MGST1: variants seen among roughly 807,000 people sequenced by gnomAD.
The protein encoded by MGST1 is microsomal glutathione S-transferase 1, also known as glutathione S-transferase 12.
A neutral mutation model predicts 8.9 loss-of-function variants in MGST1; 5 were observed. The ratio of observed to expected loss-of-function variants is 0.56; its 90% CI spans 0.29 to 1.19. The LOEUF (loss-of-function observed/expected upper bound fraction) is 1.19. Among genes scored for constraint, MGST1 ranks in the 50% most tolerant of loss-of-function variants. The pLI, the probability that MGST1 is intolerant of heterozygous loss-of-function variation, is 0.08. For missense variants in MGST1, 182 were observed against 187.4 expected (o/e 0.97, Z 0.17); for synonymous variants, 54 against 67.8 (o/e 0.80, Z 1.00).
At chr12:16,542,028 G>A (rs937203430) in intron 4 of MGST1, among the ~76,000 whole-genome samples, 5 of 152,112 alleles carry the variant, frequency 3.3e-5, no homozygotes, top group Non-Finnish European at 7.4e-5. Context: ...GGACCTTTTA[G>A]TTTGTGATTT....
intron 4 of MGST1, among the ~76,000 whole-genome samples, chr12:16,531,439 A>T (rs983422893): frequency 6.6e-6 from 1 of 152,112 alleles, no homozygotes; most frequent in Admixed American, 6.6e-5. Context: ...AGAAGAAAAA[A>T]TAAGGTTGAG....
intron 1 of MGST1, among the ~76,000 whole-genome samples, chr12:16,395,209 T>G (rs553661980): frequency 6.6e-6 from 1 of 152,092 alleles, no homozygotes; most frequent in African/African-American, 2.4e-5. Flanking sequence ...ATATATATAT[T>G]AGAAGGTAGG....
intron 1 of MGST1, among the ~76,000 whole-genome samples, chr12:16,392,561 A>G (rs529399535): frequency 1.1e-4 from 17 of 152,298 alleles, no homozygotes; most frequent in African/African-American, 2.9e-4. Context: ...AATGCCTGAC[A>G]CAATAATATA....
At chr12:16,589,619 T>G (rs945973670), downstream of MGST1, 29 of 152,128 alleles carry the variant, frequency 1.9e-4, no homozygotes, top group African/African-American at 6.0e-4. The surrounding 1 kb of genome is among the most constrained non-coding windows in gnomAD (Gnocchi z 4.2). Context: ...AAGACAGTGG[T>G]TTGTTTAATA....
chr12:16,574,713 G>T (rs1054874399), intron 4 of MGST1, among the ~76,000 whole-genome samples: 3 of 152,088 alleles, frequency 2.0e-5, no homozygotes, highest in African/African-American at 7.2e-5. Context: ...GTTTCCAACC[G>T]CAAAGGATTT....
At chr12:16,412,179 T>A (rs1371427481) in intron 1 of MGST1, among the ~76,000 whole-genome samples, 1 of 152,180 alleles carries the variant, frequency 6.6e-6, no homozygotes, top group African/African-American at 2.4e-5. Flanking sequence ...ACGCTTGAAG[T>A]CAGAAGACTT....
At chr12:16,347,161 C>A (rs1684210205), upstream of MGST1, 1 of 152,176 alleles carries the variant, frequency 6.6e-6, no homozygotes, top group African/African-American at 2.4e-5. This position sits in a 1 kb window ranked among gnomAD's most constrained non-coding sequence, Gnocchi z 4.0. Context: ...AGCAAATTGT[C>A]TGGTATCATG....
downstream of MGST1, among the ~76,000 whole-genome samples, chr12:16,591,168 C>G (rs143477675): frequency 3.3e-5 from 5 of 151,946 alleles, no homozygotes; most frequent in Non-Finnish European, 5.9e-5. This position sits in a 1 kb window ranked among gnomAD's most constrained non-coding sequence, Gnocchi z 4.1. Context: ...CAGTGACTAC[C>G]CCTTATTCTT....
upstream of MGST1, among the ~76,000 whole-genome samples, chr12:16,382,541 C>T (rs183936677): frequency 1.2e-4 from 19 of 152,166 alleles, no homozygotes; most frequent in African/African-American, 4.6e-4. Flanking sequence ...GGTGTCAGTC[C>T]GCCCCTACTG....
intron 4 of MGST1, among the ~76,000 whole-genome samples, chr12:16,468,629 C>T (rs900325640): frequency 2.6e-5 from 4 of 152,046 alleles, no homozygotes; most frequent in Non-Finnish European, 5.9e-5. Context: ...GTGGGTAAAA[C>T]GTATATATAT....
intron 1 of MGST1, among the ~76,000 whole-genome samples, chr12:16,427,024 A>G (rs1457448304): frequency 6.6e-6 from 1 of 151,996 alleles, no homozygotes; most frequent in African/African-American, 2.4e-5. Context: ...TCATTAATTG[A>G]ATAAATATTT....
chr12:16,480,869 A>T (rs1289850825), intron 4 of MGST1, among the ~76,000 whole-genome samples: 1 of 152,168 alleles, frequency 6.6e-6, no homozygotes, highest in Non-Finnish European at 1.5e-5. Context: ...CCAGTTTGAG[A>T]CCATTCTGGG....
Position 16,363,689 on chromosome 12 carries a change from T to A in MGST1, c.222-106T>A. The A allele has an allele frequency of 1.1e-6, 1 of 939,996 alleles. No homozygotes were observed. The highest frequency in any genetic ancestry group is 3.6e-5 in the South Asian group (1 of 28,060). The allele number at this position is 939,996 out of a possible 1,614,324, so 58.2% of individuals were successfully genotyped here. ...AAAAAAATAAATCTTACTTTGAAATTTAAGGATCCATTAGTGCTCAGATTT... is the reference window on the plus strand; with the variant it reads ...AAAAAAATAAATCTTACTTTGAAATATAAGGATCCATTAGTGCTCAGATTT... On this transcript the variant is annotated intron_variant, in intron 3 of 3. Transcript: ENST00000396210. The surrounding 1 kb of genome is among the most constrained non-coding windows in gnomAD (Gnocchi z 4.6).
At position 16,513,494 on chromosome 12, in the gene MGST1, A is replaced by G; in HGVS notation, n.483-76034A>G. The G allele has an allele frequency of 2.2e-6, 1 of 464,966 alleles. No individual in the cohort carries two copies. Among genetic ancestry groups the G allele is most frequent in the South Asian group, 1.6e-5 (1 of 62,422 alleles). 28.8% of individuals were successfully genotyped at this position (464,966 alleles called of 1,614,324 possible). Reference sequence around the variant, plus strand: ...GCCAGAGCCAGCTCCTGGTGGACCCATGTGGAGATGGGACCACCAGATCCC... The same window carrying G: ...GCCAGAGCCAGCTCCTGGTGGACCCGTGTGGAGATGGGACCACCAGATCCC... On this transcript the variant is annotated intron_variant and non_coding_transcript_variant, in intron 4 of 4. Transcript: ENST00000538857. This position sits in a 1 kb window ranked among gnomAD's most constrained non-coding sequence, Gnocchi z 4.2.
At chr12:16,368,599 G>A (rs752837569), downstream of MGST1, among the ~76,000 whole-genome samples, 24 of 152,140 alleles carry the variant, frequency 1.6e-4, no homozygotes, top group Non-Finnish European at 3.4e-4. Context: ...ATTTGACAAG[G>A]AGGAGTTGTC....
At chr12:16,471,892 C>A (rs981445777) in intron 4 of MGST1, among the ~76,000 whole-genome samples, 1 of 150,800 alleles carries the variant, frequency 6.6e-6, no homozygotes, top group Non-Finnish European at 1.5e-5. Context: ...AGAATACTTA[C>A]CAAGTGTAGA....
chr12:16,450,559 T>C (rs1319057144), intron 4 of MGST1, among the ~76,000 whole-genome samples: 3 of 151,730 alleles, frequency 2.0e-5, no homozygotes, highest in Non-Finnish European at 4.4e-5. Context: ...AGTGAGAAAA[T>C]ACTGTAACAG....
At chr12:16,435,345 A>G (rs531475610) in intron 1 of MGST1, among the ~76,000 whole-genome samples, 2 of 152,060 alleles carry the variant, frequency 1.3e-5, no homozygotes, top group South Asian at 4.1e-4. Context: ...CTTCCAGGTA[A>G]CACTTTTGCA....
At chr12:16,446,636 A>G (rs1941082515) in intron 4 of MGST1, among the ~76,000 whole-genome samples, 1 of 151,906 alleles carries the variant, frequency 6.6e-6, no homozygotes, top group Admixed American at 6.6e-5. Context: ...TGATGGTTAA[A>G]TGCTGCCACT....
Sources: allele counts gnomAD v4.1 joint callset (sites outside exome capture counted in the v4.1 genomes callset), GRCh38; gene constraint gnomAD v4.1.1; non-coding constraint Gnocchi (gnomAD v3.1); transcripts MANE v1.5; gene names NCBI Gene and HGNC (gene_info 2026-07-23, HGNC 2026-07-21).